The following EYS variants were observed in gnomAD, a reference collection of about 807,000 sequenced individuals.
EYS encodes protein eyes shut homolog.
Under a neutral mutation model 282.1 loss-of-function variants are expected in EYS, and 250 were observed. That is an observed-to-expected ratio of 0.89 (90% CI 0.80 to 0.98). The LOEUF (loss-of-function observed/expected upper bound fraction) is 0.98, where lower values mean the gene tolerates loss of function less well. Ranked by LOEUF, EYS falls within the 50% of genes least tolerant of loss-of-function variation. The pLI is 0.00. For missense variants in EYS, 4,016 were observed against 3,709.0 expected, an observed-to-expected ratio of 1.08 and a Z score of -2.15; for synonymous variants, 1,355 against 1,282.9, an observed-to-expected ratio of 1.06 and a Z score of -1.20.
chr6:65,323,560 C>T (rs1391394516), intron 11 of EYS, among the ~76,000 whole-genome samples: 1 of 147,738 alleles, frequency 6.8e-6, no homozygotes, highest in Non-Finnish European at 1.5e-5. Flanking sequence ...TCATTTAATC[C>T]ATACCGTGAT....
intron 30 of EYS, among the ~76,000 whole-genome samples, chr6:64,259,418 A>G (rs1030259351): frequency 6.6e-6 from 1 of 151,996 alleles, no homozygotes; most frequent in African/African-American, 2.4e-5. Context: ...GCCTCTTGAG[A>G]TGTAAATGTT....
chr6:65,390,255 T>G (rs1430954671), intron 7 of EYS, among the ~76,000 whole-genome samples: 1 of 150,926 alleles, frequency 6.6e-6, no homozygotes, highest in South Asian at 2.1e-4. Context: ...TCAAAAAATA[T>G]GACCACAGTG....
intron 22 of EYS, among the ~76,000 whole-genome samples, chr6:64,763,112 T>C (rs891083853): frequency 6.6e-6 from 1 of 151,534 alleles, no homozygotes; most frequent in South Asian, 2.1e-4. Flanking sequence ...TTTGAAAAAA[T>C]ATAAATATTT....
At chr6:64,335,708 C>A (rs1427214180) in intron 29 of EYS, among the ~76,000 whole-genome samples, 1 of 152,034 alleles carries the variant, frequency 6.6e-6, no homozygotes, top group African/African-American at 2.4e-5. Context: ...AGGAAAGAAT[C>A]TTAAGAGCTG....
At chr6:65,521,375 G>A (rs1767365616) in intron 2 of EYS, among the ~76,000 whole-genome samples, 1 of 152,096 alleles carries the variant, frequency 6.6e-6, no homozygotes, top group Non-Finnish European at 1.5e-5. Context: ...AGAAGGTAAT[G>A]CTTGTTCTTA....
intron 39 of EYS, among the ~76,000 whole-genome samples, chr6:63,784,392 G>A (rs1189282141): frequency 6.6e-6 from 1 of 152,106 alleles, no homozygotes; most frequent in Non-Finnish European, 1.5e-5. Flanking sequence ...AAATACATGG[G>A]TTTTGGAATG....
chr6:65,503,816 A>C (rs979646435), intron 2 of EYS, among the ~76,000 whole-genome samples: 1 of 151,686 alleles, frequency 6.6e-6, no homozygotes, highest in Non-Finnish European at 1.5e-5. Context: ...ATTGATCTAC[A>C]TGCTTGTTCT....
chr6:65,400,657 C>G (rs909458316), intron 7 of EYS, among the ~76,000 whole-genome samples: 1 of 151,894 alleles, frequency 6.6e-6, no homozygotes, highest in African/African-American at 2.4e-5. Context: ...ATTTCCATAA[C>G]CAATGTTTCA....
At chr6:65,376,476 C>T (rs895729027) in intron 8 of EYS, among the ~76,000 whole-genome samples, 3 of 152,086 alleles carry the variant, frequency 2.0e-5, no homozygotes, top group African/African-American at 7.2e-5. Context: ...AACTAATGTG[C>T]AAAATGACCA....
chr6:64,375,810 T>A (rs985632115), intron 29 of EYS, among the ~76,000 whole-genome samples: 1 of 152,108 alleles, frequency 6.6e-6, no homozygotes, highest in African/African-American at 2.4e-5. Context: ...TATATGAAAG[T>A]TTAAAAAATG....
intron 29 of EYS, among the ~76,000 whole-genome samples, chr6:64,372,264 C>G (rs185252253): frequency 1.3e-5 from 2 of 149,586 alleles, no homozygotes; most frequent in Admixed American, 1.3e-4. Context: ...ATTTGATTGG[C>G]TGAAAAGGGT....
chr6:63,891,395 A>C (rs961231579), intron 35 of EYS, among the ~76,000 whole-genome samples: 7 of 152,206 alleles, frequency 4.6e-5, no homozygotes, highest in African/African-American at 9.6e-5. Flanking sequence ...ACGACCATCA[A>C]GTCAGCTTCA....
intron 15 of EYS, among the ~76,000 whole-genome samples, chr6:64,944,324 AGT>A (rs1328615454): frequency 6.6e-6 from 1 of 152,102 alleles, no homozygotes; most frequent in African/African-American, 2.4e-5. Flanking sequence ...ATAATTTATG[AGT>A]GAGTCCACAA....
At chr6:64,904,100 G>T (rs1767751251) in intron 16 of EYS, among the ~76,000 whole-genome samples, 1 of 151,982 alleles carries the variant, frequency 6.6e-6, no homozygotes, top group Non-Finnish European at 1.5e-5. Context: ...ATATCTAAAA[G>T]AAATTTATTT....
At chr6:65,668,543 CA>C (rs913100054) in intron 1 of EYS, among the ~76,000 whole-genome samples, 1 of 151,584 alleles carries the variant, frequency 6.6e-6, no homozygotes, top group African/African-American at 2.4e-5. Flanking sequence ...GCCAACAAAA[CA>C]AAAAAATATG....
At chr6:64,110,915 G>A (rs1158184254) in intron 31 of EYS, among the ~76,000 whole-genome samples, 1 of 151,974 alleles carries the variant, frequency 6.6e-6, no homozygotes, top group African/African-American at 2.4e-5. Context: ...AGCAGGGCTA[G>A]GGAGTAAGGA....
intron 12 of EYS, among the ~76,000 whole-genome samples, chr6:65,218,483 A>G (rs989487340): frequency 1.3e-5 from 2 of 152,150 alleles, no homozygotes; most frequent in African/African-American, 4.8e-5. Flanking sequence ...AAACAAAAAC[A>G]AAACATGAGT....
At chr6:63,985,197 G>C (rs540299252) in intron 34 of EYS, among the ~76,000 whole-genome samples, 2 of 151,820 alleles carry the variant, frequency 1.3e-5, no homozygotes, top group Non-Finnish European at 3.0e-5. Context: ...AAAGAAGCTT[G>C]GATACAGACC....
intron 29 of EYS, among the ~76,000 whole-genome samples, chr6:64,372,707 A>C (rs1292529248): frequency 6.6e-6 from 1 of 152,140 alleles, no homozygotes; most frequent in Non-Finnish European, 1.5e-5. Context: ...GTCTCTTTAC[A>C]TAATCCCATA....
Sources: gnomAD v4.1 joint callset for allele counts (sites outside exome capture counted in the v4.1 genomes callset) on GRCh38, gnomAD v4.1.1 for gene constraint, MANE v1.5 for transcripts, NCBI Gene and HGNC (gene_info 2026-07-23, HGNC 2026-07-21) for gene names.